Variants in PARD3 observed in about 807,000 individuals in gnomAD.
PARD3 encodes partitioning defective 3 homolog.
In PARD3, 75 loss-of-function variants were observed where a neutral mutation model predicts 155.4. The observed-to-expected ratio is 0.48, with a 90% CI of 0.40 to 0.58. The LOEUF is 0.58. Among genes scored for constraint, PARD3 ranks in the 20% least tolerant of loss-of-function variants. The probability of loss-of-function intolerance (pLI) is 0.00; values close to 1 mark genes in which losing one functional copy is unlikely to be tolerated. For missense variants in PARD3, 1,642 were observed against 1,721.7 expected (o/e 0.95, Z 0.82); for synonymous variants, 576 against 610.5 (o/e 0.94, Z 0.83).
intron 2 of PARD3, among the ~76,000 whole-genome samples, chr10:34,571,482 T>C (rs1288123778): frequency 1.3e-5 from 2 of 152,224 alleles, no homozygotes; most frequent in African/African-American, 2.4e-5. Flanking sequence ...CATATATCAC[T>C]CATTTGGGCT....
chr10:34,767,025 C>G (rs1181909933), intron 1 of PARD3, among the ~76,000 whole-genome samples: 1 of 152,116 alleles, frequency 6.6e-6, no homozygotes, highest in African/African-American at 2.4e-5. Context: ...CTGCAGCGCC[C>G]AGGACTCCTG....
intron 11 of PARD3, 131 bp from the exon 12 acceptor site, chr10:34,372,667 T>C: frequency 1.5e-6 from 1 of 671,684 alleles, no homozygotes; most frequent in Non-Finnish European, 2.6e-6. Flanking sequence ...AGGGTAATTA[T>C]ATGATGGCTG....
intron 23 of PARD3, among the ~76,000 whole-genome samples, chr10:34,130,504 C>G (rs1283727239): frequency 6.6e-6 from 1 of 152,300 alleles, no homozygotes; most frequent in East Asian, 1.9e-4. Context: ...CTACCTTAAG[C>G]AGCTTATTTA....
At chr10:34,345,644 G>A in intron 15 of PARD3, 13 of 985,308 alleles carry the variant, frequency 1.3e-5, no homozygotes, top group Non-Finnish European at 1.6e-5. Flanking sequence ...TAATGTCTTT[G>A]GAACTATGGA....
At chr10:34,210,224 CATGT>C (rs10539477) in intron 22 of PARD3, among the ~76,000 whole-genome samples, 6,110 of 152,092 alleles carry the variant, frequency 0.04, 386 homozygotes, top group African/African-American at 0.14. Flanking sequence ...ATGTATTGTA[CATGT>C]ATGTATGTGT....
chr10:34,413,432 A>C (rs1845323856), intron 5 of PARD3, among the ~76,000 whole-genome samples: 1 of 131,970 alleles, frequency 7.6e-6, no homozygotes, highest in African/African-American at 3.0e-5. Flanking sequence ...TTAGCATTTC[A>C]AGGGCCAGCT....
intron 1 of PARD3, among the ~76,000 whole-genome samples, chr10:34,774,135 G>C (rs553850620): frequency 1.3e-5 from 2 of 152,292 alleles, no homozygotes; most frequent in Non-Finnish European, 2.9e-5. Context: ...TTTAGAAACA[G>C]AGTCACAAAT....
intron 22 of PARD3, among the ~76,000 whole-genome samples, chr10:34,248,184 T>C (rs1588926844): frequency 1.3e-5 from 2 of 152,172 alleles, no homozygotes; most frequent in Admixed American, 6.5e-5. Context: ...TGCTAACAAC[T>C]TTCATGGTTC....
chr10:34,692,224 C>A (rs2094077209), intron 2 of PARD3, among the ~76,000 whole-genome samples: 1 of 68,588 alleles, frequency 1.5e-5, no homozygotes, highest in African/African-American at 6.3e-5. Context: ...AAGAGCGAGA[C>A]TTCATTTCAA....
At chr10:34,400,100 C>G (rs1262099672) in intron 6 of PARD3, among the ~76,000 whole-genome samples, 1 of 152,204 alleles carries the variant, frequency 6.6e-6, no homozygotes, top group Admixed American at 6.5e-5. Context: ...TCAAAGCCAA[C>G]AGGCATCTAC....
chr10:34,705,227 G>A (rs1458851015), intron 1 of PARD3, among the ~76,000 whole-genome samples: 1 of 152,238 alleles, frequency 6.6e-6, no homozygotes, highest in East Asian at 1.9e-4. Flanking sequence ...ACTTTTGAGA[G>A]GTGGAGGCAG....
At chr10:34,716,856 T>C (rs915768457) in intron 1 of PARD3, among the ~76,000 whole-genome samples, 1 of 152,130 alleles carries the variant, frequency 6.6e-6, no homozygotes, top group Non-Finnish European at 1.5e-5. Context: ...CCTCCCAAAG[T>C]GCTGGGATTA....
chr10:34,582,962 A>G (rs1244102690), intron 2 of PARD3, among the ~76,000 whole-genome samples: 1 of 152,194 alleles, frequency 6.6e-6, no homozygotes, highest in Non-Finnish European at 1.5e-5. Context: ...ACTGCTAAGA[A>G]TGATACTTCG....
intron 2 of PARD3, among the ~76,000 whole-genome samples, chr10:34,645,549 T>G (rs2092810811): frequency 6.6e-6 from 1 of 152,204 alleles, no homozygotes; most frequent in South Asian, 2.1e-4. Context: ...CTCTACATTA[T>G]GCTAAATTTA....
At chr10:34,373,068 T>C (rs997498615) in intron 11 of PARD3, among the ~76,000 whole-genome samples, 1 of 151,998 alleles carries the variant, frequency 6.6e-6, no homozygotes, top group African/African-American at 2.4e-5. Flanking sequence ...AAGGCACCGA[T>C]TGATAAAAGT....
At chr10:34,344,571 T>G in intron 15 of PARD3, 8 of 984,786 alleles carry the variant, frequency 8.1e-6, no homozygotes, top group Non-Finnish European at 9.6e-6. Context: ...CATAAGCCAC[T>G]GTGCCCAGCT....
At chr10:34,568,405 A>G (rs567501024) in intron 2 of PARD3, among the ~76,000 whole-genome samples, 1 of 152,342 alleles carries the variant, frequency 6.6e-6, no homozygotes, top group African/African-American at 2.4e-5. Context: ...TTGAATCAAA[A>G]TCTTGCTCGT....
At chr10:34,123,259 T>C (rs1004034939) in intron 23 of PARD3, among the ~76,000 whole-genome samples, 1 of 152,226 alleles carries the variant, frequency 6.6e-6, no homozygotes, top group African/African-American at 2.4e-5. Context: ...AATCTCTTCA[T>C]GGCCTATGTT....
At chr10:34,639,252 C>T (rs1022865430) in intron 2 of PARD3, among the ~76,000 whole-genome samples, 3 of 151,894 alleles carry the variant, frequency 2.0e-5, no homozygotes, top group African/African-American at 2.4e-5. Flanking sequence ...AAAAATTAGC[C>T]AGGCATGGTG....
Sources: gnomAD v4.1 joint callset for allele counts (sites outside exome capture counted in the v4.1 genomes callset) on GRCh38, gnomAD v4.1.1 for gene constraint, MANE v1.5 for transcripts, NCBI Gene and HGNC (gene_info 2026-07-23, HGNC 2026-07-21) for gene names.